The following TNR variants were observed in gnomAD, a reference collection of about 807,000 sequenced individuals.
The protein encoded by TNR is tenascin-R.
TNR carries 45 observed loss-of-function variants against 150.4 expected under a neutral mutation model. That is an observed-to-expected ratio of 0.30 (90% CI 0.24 to 0.38). The LOEUF (loss-of-function observed/expected upper bound fraction) is 0.38, where lower values mean the gene tolerates loss of function less well. TNR is among the 10% of genes least tolerant of loss of function. The pLI, the probability that TNR is intolerant of heterozygous loss-of-function variation, is 1.00. For missense variants in TNR, 1,544 were observed against 1,759.1 expected (o/e 0.88, Z 2.19); for synonymous variants, 687 against 678.4 (o/e 1.01, Z -0.20).
intron 2 of TNR, among the ~76,000 whole-genome samples, chr1:175,498,884 G>A (rs1571525512): frequency 1.3e-5 from 2 of 152,254 alleles, no homozygotes; most frequent in East Asian, 3.9e-4. Context: ...CTATGTTAAC[G>A]TGGTTGTAGT....
At chr1:175,563,729 C>T (rs1276183583) in intron 1 of TNR, among the ~76,000 whole-genome samples, 3 of 152,218 alleles carry the variant, frequency 2.0e-5, no homozygotes, top group South Asian at 4.1e-4. Flanking sequence ...AAACGCATCG[C>T]TATTGGAATG....
At chr1:175,689,784 G>A (rs73035430) in intron 1 of TNR, among the ~76,000 whole-genome samples, 13,497 of 152,234 alleles carry the variant, frequency 0.089, 798 homozygotes, top group East Asian at 0.17. Flanking sequence ...ACTGCAGGCT[G>A]CGTTTTCTCT....
rs1408789617 is a variant in TNR, at chr1:175,331,155, CTTTTTCTT to C, written c.3632-928_3632-921del. ...CTTTTCTTTCTTTCTTCCTTTCTTT[CTTTTTCTT>C]TCCTTCCTTCCTTCCTTCCTTCCTT... On this transcript the variant is annotated intron_variant, in intron 20 of 22. Transcript: ENST00000367674. 7.5e-5 allele frequency among the ~76,000 whole-genome samples: 7 copies of C among 93,344 alleles called. 1 individual carries two copies. The highest frequency in any genetic ancestry group is 1.9e-4 in the African/African-American group (5 of 26,122). 61.2% of individuals were successfully genotyped at this position (93,344 alleles called of 152,430 possible). A position where few individuals can be genotyped will look rare whatever the true frequency, so the allele number is the denominator to read the frequency against.
chr1:175,562,523 G>C (rs1661471090), intron 1 of TNR, among the ~76,000 whole-genome samples: 1 of 152,232 alleles, frequency 6.6e-6, no homozygotes, highest in Non-Finnish European at 1.5e-5. Flanking sequence ...TGAACCATTG[G>C]CAGGGTAGAA....
intron 2 of TNR, among the ~76,000 whole-genome samples, chr1:175,444,167 A>G (rs1189360646): frequency 2.0e-5 from 3 of 152,230 alleles, no homozygotes; most frequent in Admixed American, 6.5e-5. Flanking sequence ...AAACCAGCAT[A>G]CAAAGCCGAG....
intron 1 of TNR, among the ~76,000 whole-genome samples, chr1:175,649,950 A>G (rs915093270): frequency 6.6e-6 from 1 of 152,122 alleles, no homozygotes; most frequent in Admixed American, 6.5e-5. Context: ...CTTGCAAAAT[A>G]TTACAACTTC....
chr1:175,719,097 T>C (rs1021575429), intron 1 of TNR, among the ~76,000 whole-genome samples: 11 of 152,168 alleles, frequency 7.2e-5, no homozygotes, highest in African/African-American at 2.4e-4. Flanking sequence ...TCTTTCTCTT[T>C]CTCCTCCTCC....
chr1:175,482,670 A>G (rs867283946), intron 2 of TNR, among the ~76,000 whole-genome samples: 1 of 152,194 alleles, frequency 6.6e-6, no homozygotes, highest in African/African-American at 2.4e-5. Flanking sequence ...ATAATTATCA[A>G]TTGAGTATAT....
At position 175,379,672 on chromosome 1, in the gene TNR, C is replaced by T. The variant is rs1571361096; in HGVS notation, c.1843G>A (p.Asp615Asn). 6.2e-7 allele frequency: 1 copy of T among 1,614,198 alleles called. No individual in the cohort carries two copies. Among genetic ancestry groups the T allele is most frequent in the Non-Finnish European group, 8.5e-7 (1 of 1,180,028 alleles). Reference sequence around the variant, plus strand: ...TCCTGAACTTCGGCTTCACTGTTATCCCACTCGAGGTCAAGGCTGGTTGCT... The same window carrying T: ...TCCTGAACTTCGGCTTCACTGTTATTCCACTCGAGGTCAAGGCTGGTTGCT... The part of the protein sequence containing the change: ...RTATSLDLEW[D>N]NSEAEVQEYK... The change falls in exon 9 of 23, where the codon GAT becomes AAT. Residue 615 changes from aspartate to asparagine, a missense_variant. Physicochemically the swap from Asp to Asn is conservative, Grantham distance 23. This residue lies in a region of TNR where 1,254 missense variants were observed against 1,329.4 expected (regional missense o/e 0.94). Coordinates refer to ENST00000367674, the MANE Select transcript of TNR (RefSeq NM_003285.3).
chr1:175,534,592 G>A (rs1660197472), intron 1 of TNR, among the ~76,000 whole-genome samples: 1 of 152,194 alleles, frequency 6.6e-6, no homozygotes, highest in African/African-American at 2.4e-5. Flanking sequence ...TTTATCTAGT[G>A]AGCAATTTCC....
At chr1:175,423,968 G>A (rs76679693) in intron 2 of TNR, among the ~76,000 whole-genome samples, 5,027 of 152,116 alleles carry the variant, frequency 0.033, 132 homozygotes, top group Middle Eastern at 0.11. Flanking sequence ...CCTGCACCAA[G>A]GCCCTAAAGA....
intron 2 of TNR, among the ~76,000 whole-genome samples, chr1:175,438,199 C>G (rs187846498): frequency 2.0e-4 from 30 of 152,292 alleles, no homozygotes; most frequent in African/African-American, 6.7e-4. Context: ...TGGGCTTCAT[C>G]CCTGGGATGC....
At chr1:175,549,191 T>C (rs1660837010) in intron 1 of TNR, among the ~76,000 whole-genome samples, 1 of 152,236 alleles carries the variant, frequency 6.6e-6, no homozygotes, top group African/African-American at 2.4e-5. Flanking sequence ...CTTAGGTACA[T>C]GAGGTTTACT....
At chr1:175,557,258 G>T (rs987200712) in intron 1 of TNR, among the ~76,000 whole-genome samples, 32 of 152,156 alleles carry the variant, frequency 2.1e-4, no homozygotes, top group African/African-American at 7.2e-4. Context: ...TGAGCCAGAG[G>T]ACCCAACAAA....
chr1:175,649,334 C>G (rs1476685143), intron 1 of TNR, among the ~76,000 whole-genome samples: 2 of 152,196 alleles, frequency 1.3e-5, no homozygotes, highest in African/African-American at 4.8e-5. Flanking sequence ...CCTTCACCCC[C>G]TATTTAAAGA....
At chr1:175,553,995 A>T (rs540718909) in intron 1 of TNR, among the ~76,000 whole-genome samples, 80 of 152,324 alleles carry the variant, frequency 5.3e-4, no homozygotes, top group Admixed American at 1.8e-3. Flanking sequence ...CTGATGAAAA[A>T]TGGCCACAAA....
intron 1 of TNR, among the ~76,000 whole-genome samples, chr1:175,592,266 G>A (rs1222587428): frequency 1.3e-5 from 2 of 152,180 alleles, no homozygotes; most frequent in African/African-American, 2.4e-5. Flanking sequence ...TTATTATCAC[G>A]TTTATTACAA....
chr1:175,476,245 C>G (rs1166302187), intron 2 of TNR, among the ~76,000 whole-genome samples: 2 of 152,150 alleles, frequency 1.3e-5, no homozygotes, highest in Admixed American at 6.5e-5. Flanking sequence ...AAGGTGATCT[C>G]AGGAAAACCA....
chr1:175,407,830 G>A (rs926981173), intron 2 of TNR, among the ~76,000 whole-genome samples: 2 of 152,180 alleles, frequency 1.3e-5, no homozygotes, highest in African/African-American at 4.8e-5. Context: ...GAGAGGTTAA[G>A]ATTTGAATGC....
Sources: gnomAD v4.1 joint callset for allele counts (sites outside exome capture counted in the v4.1 genomes callset) on GRCh38, gnomAD v4.1.1 for gene constraint, gnomAD v4.1.1 regional missense constraint, MANE v1.5 for transcripts, NCBI Gene and HGNC (gene_info 2026-07-23, HGNC 2026-07-21) for gene names.